The following CBFA2T3 variants were observed in gnomAD, a reference collection of about 807,000 sequenced individuals.
CBFA2T3 encodes transcriptional corepressor CBFA2T3.
Under a neutral mutation model 58.6 loss-of-function variants are expected in CBFA2T3, and 31 were observed. The ratio of observed to expected loss-of-function variants is 0.53; its 90% CI spans 0.40 to 0.71. The LOEUF is 0.71. CBFA2T3 is among the 30% of genes least tolerant of loss of function. CBFA2T3 has a pLI of 0.00. For missense variants in CBFA2T3, 1,076 were observed against 963.1 expected, an observed-to-expected ratio of 1.12 and a Z score of -1.55; for synonymous variants, 531 against 421.9, an observed-to-expected ratio of 1.26 and a Z score of -3.17.
intron 1 of CBFA2T3, 127 bp from the exon 2 acceptor site, chr16:88,901,783 G>T (rs1278133797): frequency 3.2e-5 from 26 of 812,690 alleles, no homozygotes; most frequent in Non-Finnish European, 4.3e-5. Context: ...GTCTGCCCCA[G>T]GTGTCCTGAC....
rs568056719 is a variant in CBFA2T3 at position 88,914,422 on chromosome 16, G to A, written c.152-12766C>T. Reference sequence around the variant, plus strand: ...CATTTAATTGCAAAAATGATGTCACGGGACGCTCTCTATTGACATCCCCTA... The same window carrying A: ...CATTTAATTGCAAAAATGATGTCACAGGACGCTCTCTATTGACATCCCCTA... On this transcript the variant is annotated intron_variant, in intron 1 of 11. Coordinates refer to ENST00000268679, the MANE Select transcript of CBFA2T3 (RefSeq NM_005187.6). Among the ~76,000 whole-genome samples the A allele has an allele frequency of 9.6e-4, 147 of 152,340 alleles. 1 individual carries two copies. Among genetic ancestry groups the A allele is most frequent in the African/African-American group, 3.4e-3 (143 of 41,568 alleles).
chr16:88,966,048 G>C (rs1478241477), intron 1 of CBFA2T3, among the ~76,000 whole-genome samples: 1 of 152,162 alleles, frequency 6.6e-6, no homozygotes, highest in Admixed American at 6.5e-5. Context: ...AGTTCCCCCT[G>C]GGCCACTCCT....
At chr16:88,956,514 C>G (rs556793531) in intron 1 of CBFA2T3, among the ~76,000 whole-genome samples, 1 of 152,350 alleles carries the variant, frequency 6.6e-6, no homozygotes, top group African/African-American at 2.4e-5. Flanking sequence ...ACAGGCATGG[C>G]CCCATTCATT....
intron 1 of CBFA2T3, among the ~76,000 whole-genome samples, chr16:88,964,087 C>T (rs1455957787): frequency 1.3e-5 from 2 of 152,364 alleles, no homozygotes; most frequent in Admixed American, 6.5e-5. Flanking sequence ...GCACACAAGA[C>T]CATCTGCATA....
chr16:88,970,511 C>T (rs913978961), intron 1 of CBFA2T3, among the ~76,000 whole-genome samples: 1 of 152,196 alleles, frequency 6.6e-6, no homozygotes, highest in South Asian at 2.1e-4. Flanking sequence ...GGTTTCCTGA[C>T]CTTTCTGATT....
intron 1 of CBFA2T3, among the ~76,000 whole-genome samples, chr16:88,923,096 C>T (rs1329764351): frequency 1.3e-5 from 2 of 152,224 alleles, no homozygotes; most frequent in African/African-American, 4.8e-5. Flanking sequence ...CCACGTCTCC[C>T]CAATTCGCCA....
chr16:88,898,056 C>T (rs368719779), intron 3 of CBFA2T3, 22 bp downstream of exon 3: 30 of 1,576,192 alleles, frequency 1.9e-5, no homozygotes, highest in South Asian at 8.8e-5. Context: ...GGGAGGCCTG[C>T]GGTTTTTGTT....
chr16:88,941,040 C>T (rs1389985461), intron 1 of CBFA2T3: 2 of 985,594 alleles, frequency 2.0e-6, no homozygotes, highest in Non-Finnish European at 2.4e-6. Context: ...TCCGGGGGAT[C>T]CGGCGGGCGG....
intron 1 of CBFA2T3, among the ~76,000 whole-genome samples, chr16:88,913,083 A>T (rs1293465930): frequency 1.3e-5 from 2 of 152,184 alleles, no homozygotes; most frequent in Non-Finnish European, 2.9e-5. Flanking sequence ...GGCGGGGTCC[A>T]CTTCCCTGCC....
chr16:88,896,927 A>G (rs1259196528), intron 3 of CBFA2T3, among the ~76,000 whole-genome samples: 1 of 152,222 alleles, frequency 6.6e-6, no homozygotes, highest in African/African-American at 2.4e-5. Context: ...GCAGCTAAAG[A>G]GACGCCAAAA....
intron 1 of CBFA2T3, chr16:88,951,298 C>G (rs1479547469): frequency 1.5e-5 from 7 of 456,710 alleles, no homozygotes; most frequent in Admixed American, 7.1e-5. Flanking sequence ...GGCACCAGCA[C>G]AGAGGGTCGA....
chr16:88,941,391 T>TGCCCCCCGCCG (rs1302572500), intron 1 of CBFA2T3, among the ~76,000 whole-genome samples: 1 of 143,562 alleles, frequency 7.0e-6, no homozygotes, highest in African/African-American at 2.5e-5. Context: ...CGCCTCCGCC[T>TGCCCCCCGCCG]CCTGCCCCCC....
intron 1 of CBFA2T3, among the ~76,000 whole-genome samples, chr16:88,907,551 A>G (rs1411356745): frequency 6.6e-6 from 1 of 152,184 alleles, no homozygotes; most frequent in Non-Finnish European, 1.5e-5. Context: ...GCGCTTCTCT[A>G]TCTTACGAGT....
At chr16:88,906,628 C>G (rs1205206305) in intron 1 of CBFA2T3, among the ~76,000 whole-genome samples, 3 of 152,202 alleles carry the variant, frequency 2.0e-5, no homozygotes, top group African/African-American at 7.2e-5. Flanking sequence ...AGAGAAGTGG[C>G]AGGAAGGGCT....
intron 1 of CBFA2T3, chr16:88,951,496 T>C: frequency 8.1e-6 from 3 of 368,862 alleles, no homozygotes; most frequent in South Asian, 6.2e-5. Context: ...TCTTTGCTTT[T>C]TTAAATTAAA....
At chr16:88,894,814 G>T (rs1969822349) in intron 3 of CBFA2T3, among the ~76,000 whole-genome samples, 1 of 152,290 alleles carries the variant, frequency 6.6e-6, no homozygotes, top group Non-Finnish European at 1.5e-5. Flanking sequence ...CTGTGGCTGA[G>T]ACCTGGCGGG....
chr16:88,908,898 C>G (rs986985226), intron 1 of CBFA2T3, among the ~76,000 whole-genome samples: 5 of 152,258 alleles, frequency 3.3e-5, no homozygotes, highest in Admixed American at 3.3e-4. Flanking sequence ...TGCAGAACAC[C>G]TCATTTCGTG....
chr16:88,892,746 G>A (rs563559807), intron 3 of CBFA2T3, among the ~76,000 whole-genome samples: 3 of 152,294 alleles, frequency 2.0e-5, no homozygotes, highest in East Asian at 3.9e-4. Flanking sequence ...TTACAGACCT[G>A]GAAATGGATT....
In CBFA2T3 at chr16:88,953,437, G is replaced by A. The variant is rs1469868056; in HGVS notation, c.151+23220C>T. ...GACACTGTGTCCAGAGGCCAGCATA[G>A]CCCTCAAAACGGTTCCCACAGCTCC... On this transcript the variant is annotated intron_variant, in intron 1 of 11. Transcript: ENST00000268679. This position sits in a 1 kb window ranked among gnomAD's most constrained non-coding sequence, Gnocchi z 4.9. Among the ~76,000 whole-genome samples the A allele has an allele frequency of 2.0e-5, 3 of 152,196 alleles. No individual in the cohort carries two copies. The highest frequency in any genetic ancestry group is 7.2e-5 in the African/African-American group (3 of 41,446).
Sources: allele counts gnomAD v4.1 joint callset (sites outside exome capture counted in the v4.1 genomes callset), GRCh38; gene constraint gnomAD v4.1.1; non-coding constraint Gnocchi (gnomAD v3.1); transcripts MANE v1.5; gene names NCBI Gene and HGNC (gene_info 2026-07-23, HGNC 2026-07-21).